Variants in SLC24A3 observed in about 807,000 individuals in gnomAD.
SLC24A3 encodes the protein sodium/potassium/calcium exchanger 3.
In SLC24A3, 28 loss-of-function variants were observed where a neutral mutation model predicts 75.8. That is an observed-to-expected ratio of 0.37 (90% CI 0.27 to 0.51). SLC24A3 has a LOEUF of 0.51. Ranked by LOEUF, SLC24A3 falls within the 20% of genes least tolerant of loss-of-function variation. The pLI is 0.94. For missense variants in SLC24A3, 663 were observed against 847.8 expected, an observed-to-expected ratio of 0.78 and a Z score of 2.71; for synonymous variants, 372 against 334.1, an observed-to-expected ratio of 1.11 and a Z score of -1.24.
At chr20:19,264,220 G>A (rs537584563) in intron 1 of SLC24A3, 1 of 151,426 alleles carries the variant, frequency 6.6e-6, no homozygotes, top group African/African-American at 2.4e-5. Flanking sequence ...CTTCCCACTT[G>A]TTTTAAGAGA....
At chr20:19,706,857 A>G (rs775979062) in intron 15 of SLC24A3, among the ~76,000 whole-genome samples, 2 of 152,124 alleles carry the variant, frequency 1.3e-5, no homozygotes, top group Non-Finnish European at 2.9e-5. Flanking sequence ...TTGGATTAGG[A>G]TGGTTGTATC....
intron 2 of SLC24A3, among the ~76,000 whole-genome samples, chr20:19,462,551 G>T (rs763477598): frequency 6.6e-6 from 1 of 152,196 alleles, no homozygotes; most frequent in African/African-American, 2.4e-5. Flanking sequence ...CAACTTAACC[G>T]ACATGGTGAG....
rs1466755357 is a variant in SLC24A3 at position 19,681,848 on chromosome 20, C to T, written c.768-10C>T. 6.2e-7 allele frequency: 1 copy of T among 1,614,028 alleles called. No individual in the cohort carries two copies. The highest frequency in any genetic ancestry group is 1.7e-5 in the Admixed American group (1 of 60,010). The stretch of plus-strand genomic sequence containing the variant: ...ACTGATGGACTCTGCCCACTTGTCG[C>T]TTTGCTCAGATATAACGCTTGCATA... On this transcript the variant is annotated splice_polypyrimidine_tract_variant and intron_variant, in intron 9 of 16. Coordinates refer to ENST00000328041, the MANE Select transcript of SLC24A3 (RefSeq NM_020689.4).
intron 6 of SLC24A3, among the ~76,000 whole-genome samples, chr20:19,601,717 A>G (rs2031529525): frequency 6.6e-6 from 1 of 152,166 alleles, no homozygotes; most frequent in Admixed American, 6.5e-5. Context: ...TGAGAGTCCT[A>G]CAAGTCTCAT....
chr20:19,307,023 G>A (rs1984349635), intron 2 of SLC24A3, among the ~76,000 whole-genome samples: 1 of 152,138 alleles, frequency 6.6e-6, no homozygotes, highest in Admixed American at 6.5e-5. Context: ...GAAGGCTCTG[G>A]CTGTTCTCTT....
chr20:19,581,197 C>G (rs1204126091), intron 4 of SLC24A3, among the ~76,000 whole-genome samples: 2 of 151,998 alleles, frequency 1.3e-5, no homozygotes, highest in Non-Finnish European at 2.9e-5. Context: ...GTGTGGAAGC[C>G]CTTTGTCTGA....
intron 12 of SLC24A3, among the ~76,000 whole-genome samples, chr20:19,692,423 A>G (rs2032754871): frequency 6.6e-6 from 1 of 152,244 alleles, no homozygotes; most frequent in South Asian, 2.1e-4. Context: ...GCACATTCAT[A>G]GGAGGGAATA....
intron 2 of SLC24A3, among the ~76,000 whole-genome samples, chr20:19,367,325 A>G (rs1408694526): frequency 1.3e-5 from 2 of 152,186 alleles, no homozygotes; most frequent in Non-Finnish European, 2.9e-5. Flanking sequence ...CCAGTTTTAA[A>G]TCTGGAAGCT....
chr20:19,548,878 A>G (rs939186281), intron 3 of SLC24A3, among the ~76,000 whole-genome samples: 1 of 152,244 alleles, frequency 6.6e-6, no homozygotes, highest in Non-Finnish European at 1.5e-5. Flanking sequence ...GCCTAAATGC[A>G]TCATGGAATG....
At position 19,244,545 on chromosome 20, in the gene SLC24A3, A is replaced by T. The variant is rs74436313; in HGVS notation, c.142+31561A>T. Among the ~76,000 whole-genome samples, 5,647 of 152,120 alleles carry T rather than the reference A, an allele frequency of 0.037. 697 individuals carry two copies. The East Asian group carries it at 0.4, about 11-fold the overall frequency. ...GTTGGAGGCATGGCATGTCAGAGAG[A>T]CTGAGCATGAAAGGCCTGTTGCTAG... On this transcript the variant is annotated intron_variant, in intron 1 of 16. Transcript: ENST00000328041.
At chr20:19,237,760 T>C (rs1419404319) in intron 1 of SLC24A3, among the ~76,000 whole-genome samples, 1 of 152,146 alleles carries the variant, frequency 6.6e-6, no homozygotes, top group African/African-American at 2.4e-5. Context: ...GATATGCAGC[T>C]CTCATGAGGG....
chr20:19,678,679 G>A lies in SLC24A3; in HGVS notation c.768-3179G>A, dbSNP rs1219831845. Among the ~76,000 whole-genome samples the A allele has an allele frequency of 9.3e-4, 95 of 101,904 alleles. 1 individual carries two copies. The highest frequency in any genetic ancestry group is 3.9e-3 in the African/African-American group (81 of 20,980). The allele number at this position is 101,904 out of a possible 152,430, so 66.9% of individuals were successfully genotyped here. A position where few individuals can be genotyped will look rare whatever the true frequency, so the allele number is the denominator to read the frequency against. On this transcript the variant is annotated intron_variant, in intron 9 of 16. Coordinates refer to ENST00000328041, the MANE Select transcript of SLC24A3 (RefSeq NM_020689.4). ...CTCCCTCCCGGACACGGCGGCTGCC[G>A]GGCGGAGACGCTCCTCACTTCCCAG...
chr20:19,357,942 T>A (rs1332493400), intron 2 of SLC24A3, among the ~76,000 whole-genome samples: 3 of 152,244 alleles, frequency 2.0e-5, no homozygotes, highest in East Asian at 1.9e-4. Flanking sequence ...TTTGTAGATA[T>A]CGACTTCTCT....
intron 2 of SLC24A3, among the ~76,000 whole-genome samples, chr20:19,444,734 CA>C (rs978667615): frequency 1.3e-5 from 2 of 152,034 alleles, no homozygotes; most frequent in Non-Finnish European, 2.9e-5. Context: ...CTGGCTTGAT[CA>C]ATTTTATTGT....
chr20:19,608,230 T>A (rs1212163068), intron 6 of SLC24A3, among the ~76,000 whole-genome samples: 2 of 152,238 alleles, frequency 1.3e-5, no homozygotes, highest in African/African-American at 4.8e-5. Flanking sequence ...CTCCTAAACT[T>A]GTTCGTCTGA....
chr20:19,221,214 C>T (rs1233055514), intron 1 of SLC24A3, among the ~76,000 whole-genome samples: 2 of 152,204 alleles, frequency 1.3e-5, no homozygotes, highest in African/African-American at 4.8e-5. Context: ...CGAGCCCTCA[C>T]ACCTGGCTCT....
chr20:19,227,922 T>G (rs2122142718), intron 1 of SLC24A3, among the ~76,000 whole-genome samples: 1 of 152,328 alleles, frequency 6.6e-6, no homozygotes, highest in African/African-American at 2.4e-5. Context: ...CTATAAATAA[T>G]TTATGGAAAA....
chr20:19,462,732 CACCATGAAGTCAATGAG>C (rs1393892574), intron 2 of SLC24A3, among the ~76,000 whole-genome samples: 1 of 152,172 alleles, frequency 6.6e-6, no homozygotes, highest in Non-Finnish European at 1.5e-5. Flanking sequence ...TCATTGCCAT[CACCATGAAGTCAATGAG>C]ACCAGAGCTG....
intron 2 of SLC24A3, among the ~76,000 whole-genome samples, chr20:19,400,548 G>C (rs1986534036): frequency 6.6e-6 from 1 of 152,154 alleles, no homozygotes; most frequent in African/African-American, 2.4e-5. Flanking sequence ...CTCTTCATCT[G>C]TATGTGCTGA....
Sources: allele counts gnomAD v4.1 joint callset (sites outside exome capture counted in the v4.1 genomes callset), GRCh38; gene constraint gnomAD v4.1.1; transcripts MANE v1.5; gene names NCBI Gene and HGNC (gene_info 2026-07-23, HGNC 2026-07-21).